Variants in MEGF10 observed in about 807,000 individuals in gnomAD.
The protein encoded by MEGF10 is multiple EGF like domains 10.
Under a neutral mutation model 147.5 loss-of-function variants are expected in MEGF10, and 86 were observed. That is an observed-to-expected ratio of 0.58 (90% CI 0.49 to 0.70). The LOEUF is 0.70. Ranked by LOEUF, MEGF10 falls within the 30% of genes least tolerant of loss-of-function variation. The pLI, the probability that MEGF10 is intolerant of heterozygous loss-of-function variation, is 0.00. For synonymous variants in MEGF10, 478 were observed against 525.5 expected (o/e 0.91, Z 1.24); for missense variants, 1,329 against 1,487.3 (o/e 0.89, Z 1.75).
At chr5:127,277,653 A>C in the MEGF10 span, among the ~76,000 whole-genome samples, 1 of 152,158 alleles carries the variant, frequency 6.6e-6, no homozygotes, top group Non-Finnish European at 1.5e-5. Context: ...TGGAGGGTTA[A>C]GGTCAGAAAC....
chr5:127,357,177 T>C (rs1762306163), intron 4 of MEGF10, among the ~76,000 whole-genome samples: 1 of 152,204 alleles, frequency 6.6e-6, no homozygotes, highest in Non-Finnish European at 1.5e-5. Flanking sequence ...TAATAGATAC[T>C]TCCTTACCTT....
At chr5:127,440,697 TCAG>T in intron 17 of MEGF10, 39 bp from the exon 18 acceptor site, 3 of 1,606,450 alleles carry the variant, frequency 1.9e-6, no homozygotes, top group Non-Finnish European at 2.6e-6. Flanking sequence ...GTGTTTCTCT[TCAG>T]CAGCCTCTTG....
At chr5:127,290,294 G>T (rs117293531), upstream of MEGF10, among the ~76,000 whole-genome samples, 2 of 152,050 alleles carry the variant, frequency 1.3e-5, no homozygotes, top group East Asian at 3.9e-4. Flanking sequence ...ACATTCTCTG[G>T]CACGGCTTAA....
At chr5:127,291,872 G>A (rs988664846) in intron 1 of MEGF10, among the ~76,000 whole-genome samples, 2 of 152,122 alleles carry the variant, frequency 1.3e-5, no homozygotes, top group African/African-American at 4.8e-5. Context: ...CTCACGCAAG[G>A]ACCCACATTA....
chr5:127,258,352 C>A, the MEGF10 span, among the ~76,000 whole-genome samples: 9 of 152,244 alleles, frequency 5.9e-5, no homozygotes, highest in African/African-American at 2.2e-4. Flanking sequence ...GTAGTGGATT[C>A]AAGCACTGTA....
At chr5:127,391,087 TGC>T (rs139002719) in intron 5 of MEGF10, among the ~76,000 whole-genome samples, 4,125 of 131,770 alleles carry the variant, frequency 0.031, 151 homozygotes, top group East Asian at 0.069. Flanking sequence ...CATACACACA[TGC>T]GCGCGCGCGC....
chr5:127,247,395 GA>G, the MEGF10 span, among the ~76,000 whole-genome samples: 409 of 41,898 alleles, frequency 9.8e-3, 73 homozygotes, highest in African/African-American at 0.043. Context: ...AGAAGAAGAA[GA>G]AGAAGAAGAA....
chr5:127,419,177 C>T lies in MEGF10; in HGVS notation c.1363C>T (p.Arg455Cys), dbSNP rs765998227. Residue 455 changes from arginine (R) to cysteine (C), a missense_variant, in exon 11 of 25, where the codon CGC (arginine) becomes TGC (cysteine). Arg to Cys is a radical substitution (Grantham distance 180). Coordinates refer to ENST00000503335, the MANE Select transcript of MEGF10 (RefSeq NM_001256545.2). ...LGTYGINCSS[R>C]CGCKNDAVCS... ...AACCTATGGGATAAACTGTTCCTCT[C>T]GCTGTGGCTGTAAAAATGATGCAGT... 3.7e-6 allele frequency: 6 copies of T among 1,614,114 alleles called. No individual in the cohort carries two copies. Among genetic ancestry groups the T allele is most frequent in the East Asian group, 2.2e-5 (1 of 44,888 alleles).
At chr5:127,255,911 A>C in the MEGF10 span, among the ~76,000 whole-genome samples, 1 of 152,096 alleles carries the variant, frequency 6.6e-6, no homozygotes, top group Non-Finnish European at 1.5e-5. Flanking sequence ...GTTTGTGGGG[A>C]GCACTTTATT....
At chr5:127,378,626 T>A (rs1486619934) in intron 5 of MEGF10, among the ~76,000 whole-genome samples, 1 of 152,082 alleles carries the variant, frequency 6.6e-6, no homozygotes, top group Non-Finnish European at 1.5e-5. Flanking sequence ...CTAATTTTTT[T>A]ATTTTTTGTA....
Position 127,435,472 on chromosome 5 carries a change from G to T in MEGF10, c.2087G>T (p.Gly696Val). 6.2e-7 allele frequency: 1 copy of T among 1,613,686 alleles called. No individual in the cohort carries two copies. The highest frequency in any genetic ancestry group is 8.5e-7 in the Non-Finnish European group (1 of 1,179,822). ...TGTCAGTGTTACCCCGGTTGGATTG[G>T]CAGTGACTGCTCTCAACGTAAGTCT... ...RSCQCYPGWI[G>V]SDCSQPCPPA... is the part of the protein sequence containing the mutation. Residue 696 changes from glycine to valine, a missense_variant, in exon 16 of 25, where the codon GGC becomes GTC. By Grantham distance (109) the Gly-to-Val change is moderately radical (BLOSUM62 -3). This residue lies in a region of MEGF10 where 980 missense variants were observed against 1,085.9 expected (regional missense o/e 0.90). Coordinates refer to ENST00000503335, the MANE Select transcript of MEGF10 (RefSeq NM_001256545.2).
chr5:127,251,467 A>T, the MEGF10 span, among the ~76,000 whole-genome samples: 2 of 152,076 alleles, frequency 1.3e-5, no homozygotes, highest in South Asian at 4.1e-4. Flanking sequence ...TACAGAAAGC[A>T]CTTAGAAGAG....
intron 11 of MEGF10, among the ~76,000 whole-genome samples, chr5:127,419,467 G>A (rs1764902169): frequency 6.6e-6 from 1 of 152,124 alleles, no homozygotes; most frequent in African/African-American, 2.4e-5. Context: ...AAGTCTCTGT[G>A]TCTGTGCACT....
intron 2 of MEGF10, among the ~76,000 whole-genome samples, chr5:127,337,971 T>A (rs1761529998): frequency 6.6e-6 from 1 of 152,092 alleles, no homozygotes. Context: ...TACACAAAAC[T>A]ATGAATAGTA....
chr5:127,304,311 G>A (rs892128954), intron 1 of MEGF10, among the ~76,000 whole-genome samples: 1 of 152,138 alleles, frequency 6.6e-6, no homozygotes, highest in Non-Finnish European at 1.5e-5. Context: ...CCTGAGAGGT[G>A]ACCTGACCTC....
intron 4 of MEGF10, among the ~76,000 whole-genome samples, chr5:127,342,230 G>A (rs1355475785): frequency 6.6e-6 from 1 of 152,160 alleles, no homozygotes; most frequent in African/African-American, 2.4e-5. Context: ...AGTACACACA[G>A]GGGTGGGGAT....
At chr5:127,327,468 T>C (rs1761082936) in intron 1 of MEGF10, among the ~76,000 whole-genome samples, 1 of 152,138 alleles carries the variant, frequency 6.6e-6, no homozygotes, top group Admixed American at 6.6e-5. Context: ...AATAATACTA[T>C]TTTTAAAAAA....
chr5:127,339,155 C>A lies in MEGF10; in HGVS notation c.152C>A (p.Pro51His). Residue 51 changes from proline (P) to histidine (H), a missense_variant, in exon 3 of 25, where the codon CCC becomes CAC. Physicochemically the swap from Pro to His is moderately conservative, Grantham distance 77. This residue lies in a region of MEGF10 where 980 missense variants were observed against 1,085.9 expected (regional missense o/e 0.90). Coordinates refer to ENST00000503335, the MANE Select transcript of MEGF10 (RefSeq NM_001256545.2). ...SVTVQESYPH[P>H]FDQIYYTSCT... ...ACTGTGCAAGAGTCATACCCACATC[C>A]CTTTGATCAAATTTACTACACGAGC... 6 of 1,612,276 alleles carry A rather than the reference C, an allele frequency of 3.7e-6. No individual in the cohort carries two copies. Among genetic ancestry groups the A allele is most frequent in the Non-Finnish European group, 4.2e-6 (5 of 1,178,690 alleles).
the MEGF10 span, among the ~76,000 whole-genome samples, chr5:127,275,748 C>A: frequency 6.6e-6 from 1 of 152,056 alleles, no homozygotes; most frequent in East Asian, 1.9e-4. Flanking sequence ...ACAAATCCAA[C>A]AGAAGGGGTG....
Sources: gnomAD v4.1 joint callset for allele counts (sites outside exome capture counted in the v4.1 genomes callset) on GRCh38, gnomAD v4.1.1 for gene constraint, gnomAD v4.1.1 regional missense constraint, MANE v1.5 for transcripts, NCBI Gene and HGNC (gene_info 2026-07-23, HGNC 2026-07-21) for gene names.